Variants in SUGCT observed in about 807,000 individuals in gnomAD.
The protein encoded by SUGCT is succinyl-CoA:glutarate CoA-transferase.
In SUGCT, 41 loss-of-function variants were observed where a neutral mutation model predicts 55.0. The observed-to-expected ratio is 0.74, with a 90% CI of 0.58 to 0.97. The LOEUF (loss-of-function observed/expected upper bound fraction) is 0.97. Ranked by LOEUF, SUGCT falls within the 50% of genes least tolerant of loss-of-function variation. SUGCT has a pLI of 0.00. For missense variants in SUGCT, 568 were observed against 547.8 expected, an observed-to-expected ratio of 1.04 and a Z score of -0.37; for synonymous variants, 187 against 200.4, an observed-to-expected ratio of 0.93 and a Z score of 0.56.
chr7:40,872,494 G>T, the SUGCT span, among the ~76,000 whole-genome samples: 1 of 152,186 alleles, frequency 6.6e-6, no homozygotes, highest in Non-Finnish European at 1.5e-5. Context: ...TTACAGGGAA[G>T]ATCTTAGTTC....
At position 40,415,107 on chromosome 7, in the gene SUGCT, T is replaced by TCTATCTATCTAA. The variant is rs1554334920; in HGVS notation, c.817-34172_817-34171insCTAACTATCTAT. Among the ~76,000 whole-genome samples the TCTATCTATCTAA allele has an allele frequency of 3.1e-3, 339 of 107,994 alleles. 10 individuals are homozygous for TCTATCTATCTAA. The highest frequency in any genetic ancestry group is 4.8e-3 in the Middle Eastern group (1 of 208). 70.8% of individuals were successfully genotyped at this position (107,994 alleles called of 152,430 possible). On this transcript the variant is annotated intron_variant, in intron 9 of 13. Transcript: ENST00000335693. The stretch of plus-strand genomic sequence containing the variant: ...ATCTATCTATCTATCTATCTATCTA[T>TCTATCTATCTAA]CTATCTATATAAAATTAGCGGGGCG...
the SUGCT span, among the ~76,000 whole-genome samples, chr7:40,944,040 G>A: frequency 6.6e-6 from 1 of 151,828 alleles, no homozygotes; most frequent in African/African-American, 2.4e-5. Flanking sequence ...GTGATGATGA[G>A]CATTTTTTCA....
chr7:40,301,723 A>T (rs1187588734), intron 8 of SUGCT, among the ~76,000 whole-genome samples: 1 of 152,220 alleles, frequency 6.6e-6, no homozygotes, highest in Non-Finnish European at 1.5e-5. Flanking sequence ...GCAGTGGATC[A>T]TACAAGTAAT....
chr7:40,474,225 G>A (rs1481589310), intron 11 of SUGCT, among the ~76,000 whole-genome samples: 1 of 152,160 alleles, frequency 6.6e-6, no homozygotes, highest in Non-Finnish European at 1.5e-5. Flanking sequence ...GTATGTTAGG[G>A]TTTGCCTAGA....
chr7:40,570,188 T>C (rs755442250), intron 12 of SUGCT, among the ~76,000 whole-genome samples: 1 of 152,244 alleles, frequency 6.6e-6, no homozygotes, highest in Non-Finnish European at 1.5e-5. Flanking sequence ...GGTGGACATA[T>C]TATAAGCATT....
intron 12 of SUGCT, among the ~76,000 whole-genome samples, chr7:40,581,494 T>G (rs145687075): frequency 8.7e-4 from 133 of 152,320 alleles, no homozygotes; most frequent in African/African-American, 3.1e-3. Flanking sequence ...TTTATTGTTT[T>G]CTTGGGGAAA....
At chr7:40,484,320 G>A (rs1791214521) in intron 11 of SUGCT, among the ~76,000 whole-genome samples, 1 of 152,090 alleles carries the variant, frequency 6.6e-6, no homozygotes, top group African/African-American at 2.4e-5. Flanking sequence ...ATTCTTGAAA[G>A]AATCAGTTCA....
intron 13 of SUGCT, among the ~76,000 whole-genome samples, chr7:40,774,506 A>G (rs1242641372): frequency 6.6e-6 from 1 of 152,096 alleles, no homozygotes; most frequent in East Asian, 1.9e-4. Context: ...CATTGTGGAG[A>G]TGGGAGATTG....
At chr7:40,258,686 T>C (rs1001251837) in intron 7 of SUGCT, among the ~76,000 whole-genome samples, 6 of 152,218 alleles carry the variant, frequency 3.9e-5, no homozygotes, top group Non-Finnish European at 8.8e-5. Flanking sequence ...CTGGAAAATA[T>C]GTTTTTTCAC....
chr7:40,192,771 T>A, intron 5 of SUGCT, among the ~76,000 whole-genome samples: 2 of 151,054 alleles, frequency 1.3e-5, no homozygotes, highest in Admixed American at 6.6e-5. Context: ...AGCTGGGACT[T>A]CAGGTGCCCA....
At chr7:40,875,276 T>C in the SUGCT span, among the ~76,000 whole-genome samples, 1 of 152,260 alleles carries the variant, frequency 6.6e-6, no homozygotes, top group East Asian at 1.9e-4. Context: ...CTCAGAAATC[T>C]TTCTTTCAGA....
At chr7:40,180,160 T>G (rs1785115648) in intron 1 of SUGCT, among the ~76,000 whole-genome samples, 4 of 151,982 alleles carry the variant, frequency 2.6e-5, no homozygotes, top group Admixed American at 2.6e-4. Flanking sequence ...TGTCTTGCTG[T>G]GTCGCTCAGG....
chr7:40,943,890 C>A, the SUGCT span, among the ~76,000 whole-genome samples: 1 of 150,756 alleles, frequency 6.6e-6, no homozygotes, highest in Non-Finnish European at 1.5e-5. Context: ...GTTTACAGTC[C>A]CACCAACAGT....
intron 12 of SUGCT, among the ~76,000 whole-genome samples, chr7:40,669,269 T>G (rs1801809930): frequency 6.8e-6 from 1 of 147,882 alleles, no homozygotes; most frequent in Non-Finnish European, 1.5e-5. Context: ...GAAGCAGAGT[T>G]AGATGAAGCC....
intron 1 of SUGCT, among the ~76,000 whole-genome samples, chr7:40,151,099 G>A (rs138379186): frequency 5.9e-5 from 9 of 152,214 alleles, no homozygotes; most frequent in African/African-American, 2.2e-4. Flanking sequence ...AATTAGCTAG[G>A]CGTGGTGGCG....
At chr7:40,336,027 T>A (rs993052227) in intron 9 of SUGCT, among the ~76,000 whole-genome samples, 1 of 152,214 alleles carries the variant, frequency 6.6e-6, no homozygotes, top group Non-Finnish European at 1.5e-5. Flanking sequence ...TGTTTTTGGT[T>A]CTGTTTATAT....
chr7:40,959,422 TG>T, the SUGCT span, among the ~76,000 whole-genome samples: 1 of 152,220 alleles, frequency 6.6e-6, no homozygotes, highest in African/African-American at 2.4e-5. Context: ...CAAGCTGTGG[TG>T]GGCTCTGCCC....
chr7:40,492,649 C>G (rs986158659), intron 11 of SUGCT, among the ~76,000 whole-genome samples: 1 of 152,184 alleles, frequency 6.6e-6, no homozygotes, highest in South Asian at 2.1e-4. Context: ...ATTGCTCTCT[C>G]TACCTGGAAG....
chr7:40,343,811 C>T (rs1797175487), intron 9 of SUGCT, among the ~76,000 whole-genome samples: 1 of 152,156 alleles, frequency 6.6e-6, no homozygotes, highest in Non-Finnish European at 1.5e-5. Context: ...CACCCGCCAC[C>T]ACGCCTGGCT....
Sources: allele counts gnomAD v4.1 joint callset (sites outside exome capture counted in the v4.1 genomes callset), GRCh38; gene constraint gnomAD v4.1.1; transcripts MANE v1.5; gene names NCBI Gene and HGNC (gene_info 2026-07-23, HGNC 2026-07-21).